The following APOBEC3C variants were observed in gnomAD, a reference collection of about 807,000 sequenced individuals.
APOBEC3C encodes DNA dC->dU-editing enzyme APOBEC-3C.
In APOBEC3C, 14 loss-of-function variants were observed where a neutral mutation model predicts 20.6. That is an observed-to-expected ratio of 0.68 (90% CI 0.45 to 1.06). APOBEC3C has a LOEUF of 1.06. Ranked by LOEUF, APOBEC3C falls within the 50% of genes least tolerant of loss-of-function variation. The pLI is 0.00. For missense variants in APOBEC3C, 244 were observed against 241.9 expected, an observed-to-expected ratio of 1.01 and a Z score of -0.06; for synonymous variants, 98 against 88.8, an observed-to-expected ratio of 1.10 and a Z score of -0.58.
chr22:39,016,418 G>A (rs1160457505), intron 2 of APOBEC3C, among the ~76,000 whole-genome samples: 2 of 132,544 alleles, frequency 1.5e-5, no homozygotes, highest in East Asian at 2.2e-4. Context: ...GGGGTTTCAT[G>A]GTGTTAGCCA....
rs1453702806 is a variant in APOBEC3C at position 39,018,443 on chromosome 22, G to C, written c.*56G>C. ...CTCTAGCCTCCTGCTCATGCTGCAC[G>C]GGCCTCCCCTCCACCCTGGACCCGC... On this transcript the variant is annotated 3_prime_UTR_variant, in exon 4 of 4. Coordinates refer to ENST00000361441, the MANE Select transcript of APOBEC3C (RefSeq NM_014508.3). The C allele has an allele frequency of 5.7e-6, 9 of 1,581,198 alleles. No homozygotes were observed. The East Asian group carries it at 9.0e-5, about 16-fold the overall frequency.
In APOBEC3C at chr22:39,017,957, C is replaced by T. The variant is rs746001060; in HGVS notation, c.366C>T (p.Arg122=). The T allele has an allele frequency of 6.2e-7, 1 of 1,614,096 alleles. No individual in the cohort carries two copies. Among genetic ancestry groups the T allele is most frequent in the South Asian group, 1.1e-5 (1 of 91,092 alleles). The change falls in exon 3 of 4, where the codon CGC becomes CGT. Residue 122 remains arginine, a synonymous_variant. Coordinates refer to ENST00000361441, the MANE Select transcript of APOBEC3C (RefSeq NM_014508.3). ...TGAATCTCACCATCTTCACCGCCCG[C>T]CTCTACTACTTCCAGTATCCATGTT... ...SNVNLTIFTA[R]LYYFQYPCYQ... is the part of the protein sequence containing the mutation.
chr22:39,019,254 G>C lies in APOBEC3C; in HGVS notation c.*867G>C, dbSNP rs572335964. The C allele has an allele frequency of 6.6e-6, 1 of 152,156 alleles. No homozygotes were observed. Among genetic ancestry groups the C allele is most frequent in the African/African-American group, 2.4e-5 (1 of 41,444 alleles). The allele number at this position is 152,156 out of a possible 1,614,324, so 9.4% of individuals were successfully genotyped here. A position where few individuals can be genotyped will look rare whatever the true frequency, so the allele number is the denominator to read the frequency against. ...AACCAGCTTTATCCATAGCTTCTGC[G>C]ATAAATGGCTGTAAGTCTTGGACTC... On this transcript the variant is annotated 3_prime_UTR_variant, in exon 4 of 4. Coordinates refer to ENST00000361441, the MANE Select transcript of APOBEC3C (RefSeq NM_014508.3).
Position 39,016,190 on chromosome 22 carries a change from A to ATTTAT in APOBEC3C, c.174+441_174+442insTATTT, listed in dbSNP as rs145889122. ...ACCATGCCCCTGGCCTCCTCCCCAC[A>ATTTAT]TTATTTATTTATTTATTTATTTATT... On this transcript the variant is annotated intron_variant, in intron 2 of 3. Transcript: ENST00000361441. Among the ~76,000 whole-genome samples the ATTTAT allele has an allele frequency of 6.1e-4, 86 of 141,490 alleles. 4 individuals are homozygous for ATTTAT. The highest frequency in any genetic ancestry group is 1.0e-3 in the East Asian group (5 of 4,848). The allele number at this position is 141,490 out of a possible 152,430, so 92.8% of individuals were successfully genotyped here.
chr22:39,016,065 A>G (rs1924769336), intron 2 of APOBEC3C, among the ~76,000 whole-genome samples: 1 of 149,188 alleles, frequency 6.7e-6, no homozygotes, highest in Non-Finnish European at 1.5e-5. Context: ...TTTAGTAGAA[A>G]CAGGATTTTG....
At chr22:39,016,681 G>A (rs1924796415) in intron 2 of APOBEC3C, among the ~76,000 whole-genome samples, 1 of 152,178 alleles carries the variant, frequency 6.6e-6, no homozygotes, top group Non-Finnish European at 1.5e-5. Flanking sequence ...GCGTCCGGCA[G>A]TCCTCGGGAA....
chr22:39,019,935 A>ACCTGGGACT lies in APOBEC3C; in HGVS notation c.*1548_*1549insCCTGGGACT, dbSNP rs201302941. On this transcript the variant is annotated 3_prime_UTR_variant, in exon 4 of 4. Transcript: ENST00000361441. ...ATTCTTCTGCTTCAGCCTCCCGAGT[A>ACCTGGGACT]AAAGGCATGCATCACCACACCTGGT... 0.022 allele frequency: 3,286 copies of ACCTGGGACT among 150,272 alleles called. 127 individuals are homozygous for ACCTGGGACT. Among genetic ancestry groups the ACCTGGGACT allele is most frequent in the African/African-American group, 0.076 (3,107 of 40,640 alleles). The allele number at this position is 150,272 out of a possible 1,614,324, so 9.3% of individuals were successfully genotyped here.
At position 39,015,758 on chromosome 22, in the gene APOBEC3C, C is replaced by T; in HGVS notation, c.174+7C>T. On this transcript the variant is annotated splice_region_variant and intron_variant, in intron 2 of 3. Coordinates refer to ENST00000361441, the MANE Select transcript of APOBEC3C (RefSeq NM_014508.3). Reference sequence around the variant, plus strand: ...GGGCGTCTTCCGAAACCAGGTAGCACCAAAGTCCTAGTTACACCCTAAATA... The same window carrying T: ...GGGCGTCTTCCGAAACCAGGTAGCATCAAAGTCCTAGTTACACCCTAAATA... 1.2e-6 allele frequency: 2 copies of T among 1,613,016 alleles called. No homozygotes were observed. Among genetic ancestry groups the T allele is most frequent in the Non-Finnish European group, 1.7e-6 (2 of 1,179,658 alleles).
At position 39,017,934 on chromosome 22, in the gene APOBEC3C, A is replaced by G. The variant is rs759231713; in HGVS notation, c.343A>G (p.Asn115Asp). Residue 115 changes from asparagine (N) to aspartate (D), a missense_variant, in exon 3 of 4, where the codon AAT becomes GAT. Transcript: ENST00000361441. ...GTTCCTGGCCAGGCACAGCAACGTG[A>G]ATCTCACCATCTTCACCGCCCGCCT... ...AEFLARHSNVNLTIFTARLYY... is the reference protein window; with the variant it reads ...AEFLARHSNVDLTIFTARLYY... The G allele has an allele frequency of 6.2e-7, 1 of 1,614,160 alleles. No individual in the cohort carries two copies. The highest frequency in any genetic ancestry group is 8.5e-7 in the Non-Finnish European group (1 of 1,180,032).
rs1053960773 is a variant in APOBEC3C at position 39,018,703 on chromosome 22, G to A, written c.*316G>A. On this transcript the variant is annotated 3_prime_UTR_variant, in exon 4 of 4. Coordinates refer to ENST00000361441, the MANE Select transcript of APOBEC3C (RefSeq NM_014508.3). The stretch of plus-strand genomic sequence containing the variant: ...ATCTTACTAAACTCATCCTAGGCTG[G>A]GCATGGTGACTCACGCCTGTAATCC... 6 of 201,538 alleles carry A rather than the reference G, an allele frequency of 3.0e-5. No homozygotes were observed. The highest frequency in any genetic ancestry group is 4.0e-5 in the Non-Finnish European group (4 of 99,026). 12.5% of individuals were successfully genotyped at this position (201,538 alleles called of 1,614,324 possible). A position where few individuals can be genotyped will look rare whatever the true frequency, so the allele number is the denominator to read the frequency against.
intron 2 of APOBEC3C, among the ~76,000 whole-genome samples, chr22:39,016,207 T>TTATTTATG (rs1393321891): frequency 6.8e-6 from 1 of 147,444 alleles, no homozygotes; most frequent in Non-Finnish European, 1.5e-5. Context: ...ATTTATTTAT[T>TTATTTATG]TATTTATTTT....
chr22:39,017,931 G>T lies in APOBEC3C; in HGVS notation c.340G>T (p.Val114Leu). The T allele has an allele frequency of 6.2e-7, 1 of 1,614,202 alleles. No individual in the cohort carries two copies. Among genetic ancestry groups the T allele is most frequent in the Non-Finnish European group, 8.5e-7 (1 of 1,180,034 alleles). ...VAEFLARHSN[V>L]NLTIFTARLY... is the part of the protein sequence containing the mutation. ...CGAGTTCCTGGCCAGGCACAGCAAC[G>T]TGAATCTCACCATCTTCACCGCCCG... Residue 114 changes from valine to leucine, a missense_variant, in exon 3 of 4, where the codon GTG becomes TTG. Physicochemically the swap from Val to Leu is conservative, Grantham distance 32. Transcript: ENST00000361441.
Position 39,018,551 on chromosome 22 carries a change from G to C in APOBEC3C, c.*164G>C. ...TCCCCTGCCTCACCGCTTCCTCCTC[G>C]CTCTTCCAGACTCTTCCTGCAGAGG... On this transcript the variant is annotated 3_prime_UTR_variant, in exon 4 of 4. Coordinates refer to ENST00000361441, the MANE Select transcript of APOBEC3C (RefSeq NM_014508.3). 2.6e-6 allele frequency: 2 copies of C among 769,690 alleles called. No individual in the cohort carries two copies. Among genetic ancestry groups the C allele is most frequent in the Non-Finnish European group, 4.1e-6 (2 of 486,110 alleles). The allele number at this position is 769,690 out of a possible 1,614,324, so 47.7% of individuals were successfully genotyped here.
rs112120857 is a variant in APOBEC3C, at chr22:39,018,377, G to T, written c.563G>T (p.Ser188Ile). ...FRLLKRRLRE[S>I]LQ ...CTTCTGAAAAGAAGGCTACGGGAGA[G>T]TCTCCAGTGAGGGGTCTCCCTGGGC... Residue 188 changes from serine (S) to isoleucine (I), a missense_variant, in exon 4 of 4, where the codon AGT becomes ATT. Coordinates refer to ENST00000361441, the MANE Select transcript of APOBEC3C (RefSeq NM_014508.3). The T allele has an allele frequency of 4.0e-3, 6,389 of 1,613,764 alleles. 226 individuals carry two copies. In the African/African-American group the frequency reaches 0.071, roughly 18 times the overall value.
chr22:39,014,487 C>T, intron 1 of APOBEC3C, 108 bp downstream of exon 1: 8 of 1,369,018 alleles, frequency 5.8e-6, no homozygotes, highest in Non-Finnish European at 8.1e-6. Context: ...CCTCTGGGCT[C>T]CCTCCCCCCT....
In APOBEC3C at chr22:39,017,747, C is replaced by T; in HGVS notation, c.175-19C>T. The T allele has an allele frequency of 6.2e-7, 1 of 1,608,606 alleles. No homozygotes were observed. Among genetic ancestry groups the T allele is most frequent in the Non-Finnish European group, 8.5e-7 (1 of 1,176,102 alleles). On this transcript the variant is annotated intron_variant, in intron 2 of 3. Transcript: ENST00000361441. Reference sequence around the variant, plus strand: ...CTCCTGGTCTGAGCTCCCCTGTCCTCCTCCTCCTCCTTCGCCAGGTGGATT... The same window carrying T: ...CTCCTGGTCTGAGCTCCCCTGTCCTTCTCCTCCTCCTTCGCCAGGTGGATT...
In APOBEC3C at chr22:39,018,596, C is replaced by T. The variant is rs1178787515; in HGVS notation, c.*209C>T. 2.7e-5 allele frequency: 14 copies of T among 525,768 alleles called. No individual in the cohort carries two copies. The East Asian group carries it at 3.6e-4, about 14-fold the overall frequency. 32.6% of individuals were successfully genotyped at this position (525,768 alleles called of 1,614,324 possible). A position where few individuals can be genotyped will look rare whatever the true frequency, so the allele number is the denominator to read the frequency against. Reference sequence around the variant, plus strand: ...CAGAGGCTCCTTTCTGCCTCCATGGCTATCCATCCACCCCCACAGACCCCG... The same window carrying T: ...CAGAGGCTCCTTTCTGCCTCCATGGTTATCCATCCACCCCCACAGACCCCG... On this transcript the variant is annotated 3_prime_UTR_variant, in exon 4 of 4. Transcript: ENST00000361441.
rs1366782748 is a variant in APOBEC3C, at chr22:39,020,269, A to G, written c.*1882A>G. 6.6e-6 allele frequency: 1 copy of G among 152,262 alleles called. No homozygotes were observed. Among genetic ancestry groups the G allele is most frequent in the East Asian group, 1.9e-4 (1 of 5,194 alleles). The allele number at this position is 152,262 out of a possible 1,614,324, so 9.4% of individuals were successfully genotyped here. On this transcript the variant is annotated 3_prime_UTR_variant, in exon 4 of 4. Transcript: ENST00000361441. ...TAAATGTCTGTCTCTGGTGTTAACC[A>G]GAGGCTGCTCTTCCCAGGCTGCTGG...
In APOBEC3C at chr22:39,017,896, G is replaced by A. The variant is rs772324049; in HGVS notation, c.305G>A (p.Gly102Glu). The change falls in exon 3 of 4, where the codon GGG (glycine) becomes GAG (glutamate). Residue 102 changes from glycine (G) to glutamate (E), a missense_variant. Transcript: ENST00000361441. ...TGGAGCCCTTGCCCAGACTGTGCAG[G>A]GGAGGTGGCCGAGTTCCTGGCCAGG... ...TSWSPCPDCAGEVAEFLARHS... is the reference protein window; with the variant it reads ...TSWSPCPDCAEEVAEFLARHS... The A allele has an allele frequency of 1.9e-6, 3 of 1,614,050 alleles. No individual in the cohort carries two copies. Among genetic ancestry groups the A allele is most frequent in the African/African-American group, 2.7e-5 (2 of 74,908 alleles).
Sources: gnomAD v4.1 joint callset for allele counts (sites outside exome capture counted in the v4.1 genomes callset) on GRCh38, gnomAD v4.1.1 for gene constraint, MANE v1.5 for transcripts, NCBI Gene and HGNC (gene_info 2026-07-23, HGNC 2026-07-21) for gene names.